GALNT15: variants seen among roughly 807,000 people sequenced by gnomAD.
The protein encoded by GALNT15 is UDP-GalNAc transferase T15.
Under a neutral mutation model 66.8 loss-of-function variants are expected in GALNT15, and 67 were observed. The ratio of observed to expected loss-of-function variants is 1.00; its 90% confidence interval spans 0.82 to 1.23. The LOEUF (loss-of-function observed/expected upper bound fraction) is 1.23. Among genes scored for constraint, GALNT15 ranks in the 50% most tolerant of loss-of-function variants. The pLI is 0.00. For synonymous variants in GALNT15, 313 were observed against 311.5 expected, an observed-to-expected ratio of 1.00 and a Z score of -0.05; for missense variants, 827 against 804.3, an observed-to-expected ratio of 1.03 and a Z score of -0.34.
intron 2 of GALNT15, among the ~76,000 whole-genome samples, chr3:16,196,586 C>T (rs376086355): frequency 7.2e-5 from 11 of 152,288 alleles, no homozygotes; most frequent in South Asian, 4.1e-4. Flanking sequence ...GTGGCTCTCA[C>T]GCTTGAGCAT....
intron 2 of GALNT15, among the ~76,000 whole-genome samples, chr3:16,198,835 G>A (rs898490898): frequency 7.1e-6 from 1 of 141,558 alleles, no homozygotes; most frequent in African/African-American, 2.6e-5. Context: ...TCTGCTGGGG[G>A]CTCTCGGGTG....
chr3:16,226,609 G>A (rs1422344208), intron 9 of GALNT15, among the ~76,000 whole-genome samples: 1 of 151,158 alleles, frequency 6.6e-6, no homozygotes, highest in Non-Finnish European at 1.5e-5. Flanking sequence ...CAAGAAAACA[G>A]CAAGGGGGAA....
At chr3:16,242,379 CT>C in the GALNT15 span, among the ~76,000 whole-genome samples, 1 of 152,200 alleles carries the variant, frequency 6.6e-6, no homozygotes, top group East Asian at 1.9e-4. This position sits in a 1 kb window ranked among gnomAD's most constrained non-coding sequence, Gnocchi z 5.6. Context: ...GCGTCTGCCC[CT>C]GAACTAATCT....
At chr3:16,196,688 T>C (rs1426142275) in intron 2 of GALNT15, among the ~76,000 whole-genome samples, 1 of 152,192 alleles carries the variant, frequency 6.6e-6, no homozygotes, top group Non-Finnish European at 1.5e-5. Context: ...AGAATTTGCA[T>C]TTCTAACAAG....
chr3:16,200,380 C>T lies in GALNT15; in HGVS notation c.707-239C>T, dbSNP rs1300580754. 3.9e-5 allele frequency among the ~76,000 whole-genome samples: 6 copies of T among 152,158 alleles called. No individual in the cohort carries two copies. Among genetic ancestry groups the T allele is most frequent in the Admixed American group, 3.3e-4 (5 of 15,274 alleles). On this transcript the variant is annotated intron_variant, in intron 2 of 9. Transcript: ENST00000339732. The surrounding 1 kb of genome is among the most constrained non-coding windows in gnomAD (Gnocchi z 4.4). Reference sequence around the variant, plus strand: ...ATTTGGAGAATGTTAGCAAGTTCTCCCCTTTCCTGGTTTTCTGACACCATC... The same window carrying T: ...ATTTGGAGAATGTTAGCAAGTTCTCTCCTTTCCTGGTTTTCTGACACCATC...
Position 16,209,048 on chromosome 3 carries a change from T to G in GALNT15, c.1079+378T>G, listed in dbSNP as rs951008187. The stretch of plus-strand genomic sequence containing the variant: ...GGCCCAGCTCTCTCATCAGGTACAG[T>G]GTGAATTCCTCAGGTCTCGTCTTAG... On this transcript the variant is annotated intron_variant, in intron 4 of 9. Coordinates refer to ENST00000339732, the MANE Select transcript of GALNT15 (RefSeq NM_054110.5). This position sits in a 1 kb window ranked among gnomAD's most constrained non-coding sequence, Gnocchi z 4.1. Among the ~76,000 whole-genome samples the G allele has an allele frequency of 1.3e-5, 2 of 152,208 alleles. No homozygotes were observed. Among genetic ancestry groups the G allele is most frequent in the East Asian group, 3.9e-4 (2 of 5,194 alleles).
rs538876281 is a variant in GALNT15, at chr3:16,227,495, C to T, written c.1915C>T (p.Arg639Ter). 2.2e-5 allele frequency: 36 copies of T among 1,614,090 alleles called. No homozygotes were observed. The highest frequency in any genetic ancestry group is 1.1e-4 in the East Asian group (5 of 44,876). The change falls in exon 10 of 10, where the codon CGA (arginine) becomes TGA (stop). Residue 639 changes from arginine to a stop codon, truncating the protein, a stop_gained. Transcript: ENST00000339732. LOFTEE classifies it high-confidence loss of function. The surrounding 1 kb of genome is among the most constrained non-coding windows in gnomAD (Gnocchi z 4.5). ...RFDQINAVDE[R>*] is the part of the protein sequence containing the mutation. Reference sequence around the variant, plus strand: ...TGACCAGATCAATGCTGTGGATGAACGATGAATGTCAATGTCAGAAGGAAA... The same window carrying T: ...TGACCAGATCAATGCTGTGGATGAATGATGAATGTCAATGTCAGAAGGAAA...
rs1193625881 is a variant in GALNT15 at position 16,193,662 on chromosome 3, A to G, written c.540-2098A>G. 6.6e-6 allele frequency among the ~76,000 whole-genome samples: 1 copy of G among 152,182 alleles called. No individual in the cohort carries two copies. Among genetic ancestry groups the G allele is most frequent in the Non-Finnish European group, 1.5e-5 (1 of 68,034 alleles). ...ACTGGTACCAAGCTAGGGAGCAGCA[A>G]GAGTTGGCACATCTTAGAAGGTGTT... is the stretch of plus-strand genomic sequence containing the variant. On this transcript the variant is annotated intron_variant, in intron 1 of 9. Coordinates refer to ENST00000339732, the MANE Select transcript of GALNT15 (RefSeq NM_054110.5). The surrounding 1 kb of genome is among the most constrained non-coding windows in gnomAD (Gnocchi z 4.7).
At position 16,184,355 on chromosome 3, in the gene GALNT15, G is replaced by GC. The variant is rs1486859637; in HGVS notation, c.539+8667dup. ...TGCTTTATGATGTTCAAGAGCCTTT[G>GC]CCATGCTCTGCCTCATTGGTTGGCT... is the stretch of plus-strand genomic sequence containing the variant. On this transcript the variant is annotated intron_variant, in intron 1 of 9. Coordinates refer to ENST00000339732, the MANE Select transcript of GALNT15 (RefSeq NM_054110.5). The surrounding 1 kb of genome is among the most constrained non-coding windows in gnomAD (Gnocchi z 5.0). 6.6e-6 allele frequency among the ~76,000 whole-genome samples: 1 copy of GC among 152,184 alleles called. No homozygotes were observed. The highest frequency in any genetic ancestry group is 2.4e-5 in the African/African-American group (1 of 41,438).
At chr3:16,214,065 C>A (rs974498486) in intron 6 of GALNT15, among the ~76,000 whole-genome samples, 1 of 152,214 alleles carries the variant, frequency 6.6e-6, no homozygotes, top group Non-Finnish European at 1.5e-5. Context: ...TCTTGGACCC[C>A]GTCGGTTAGT....
chr3:16,176,017 T>C lies in GALNT15; in HGVS notation c.539+327T>C, dbSNP rs2063406325. ...TGCTTGTTCATTCTCTTCTCCGTCCTGGGTTCTAGTTCTTCTGTCTTTAGG... is the reference window on the plus strand; with the variant it reads ...TGCTTGTTCATTCTCTTCTCCGTCCCGGGTTCTAGTTCTTCTGTCTTTAGG... On this transcript the variant is annotated intron_variant, in intron 1 of 9. Coordinates refer to ENST00000339732, the MANE Select transcript of GALNT15 (RefSeq NM_054110.5). The surrounding 1 kb of genome is among the most constrained non-coding windows in gnomAD (Gnocchi z 5.6). Among the ~76,000 whole-genome samples, 1 of 152,248 alleles carries C rather than the reference T, an allele frequency of 6.6e-6. No individual in the cohort carries two copies. The highest frequency in any genetic ancestry group is 1.5e-5 in the Non-Finnish European group (1 of 68,046).
rs141544511 is a variant in GALNT15, at chr3:16,179,782, G to A, written c.539+4092G>A. Among the ~76,000 whole-genome samples, 318 of 152,252 alleles carry A rather than the reference G, an allele frequency of 2.1e-3. 4 individuals are homozygous for A. The highest frequency in any genetic ancestry group is 6.8e-3 in the Middle Eastern group (2 of 294). ...GTGCTGTGGGAAAGGGAGGGTCCTC[G>A]GGGCAGAGGTGGGGATAAAACTGAA... On this transcript the variant is annotated intron_variant, in intron 1 of 9. Transcript: ENST00000339732.
chr3:16,215,931 G>GGAA (rs765375256), intron 6 of GALNT15, among the ~76,000 whole-genome samples: 1,750 of 134,506 alleles, frequency 0.013, 51 homozygotes, highest in African/African-American at 0.046. Context: ...AAAAAGAAGA[G>GGAA]GAAGAAGAAG....
Position 16,176,356 on chromosome 3 carries a change from G to A in GALNT15, c.539+666G>A, listed in dbSNP as rs922867760. Among the ~76,000 whole-genome samples, 1 of 152,210 alleles carries A rather than the reference G, an allele frequency of 6.6e-6. No homozygotes were observed. The highest frequency in any genetic ancestry group is 1.5e-5 in the Non-Finnish European group (1 of 68,044). On this transcript the variant is annotated intron_variant, in intron 1 of 9. Transcript: ENST00000339732. The surrounding 1 kb of genome is among the most constrained non-coding windows in gnomAD (Gnocchi z 5.6). ...GTGAAGTTGCTTTCCCAGTCACGCT[G>A]CTAGTAGGTAACAAAGTCAGGATTT...
chr3:16,204,683 T>C lies in GALNT15; in HGVS notation c.912-3820T>C, dbSNP rs147400867. Among the ~76,000 whole-genome samples the C allele has an allele frequency of 2.0e-4, 30 of 152,258 alleles. No homozygotes were observed. In the East Asian group the frequency reaches 5.2e-3, roughly 27 times the overall value. ...GACAGTCTTGAAAGGGGCTGAAAGA[T>C]GATATCATCTCAAGAAGCTGAACAA... On this transcript the variant is annotated intron_variant, in intron 3 of 9. Coordinates refer to ENST00000339732, the MANE Select transcript of GALNT15 (RefSeq NM_054110.5). This position sits in a 1 kb window ranked among gnomAD's most constrained non-coding sequence, Gnocchi z 4.5.
chr3:16,182,874 C>A lies in GALNT15; in HGVS notation c.539+7184C>A, dbSNP rs2063483611. ...CTGAGCTACGTCTTGGCTTCTACCA[C>A]CCCGTCTTTGGGTTACTGTCTGCTC... On this transcript the variant is annotated intron_variant, in intron 1 of 9. Transcript: ENST00000339732. The surrounding 1 kb of genome is among the most constrained non-coding windows in gnomAD (Gnocchi z 6.1). 1.3e-5 allele frequency: 2 copies of A among 152,390 alleles called. No individual in the cohort carries two copies. The highest frequency in any genetic ancestry group is 4.8e-5 in the African/African-American group (2 of 41,454). 9.4% of individuals were successfully genotyped at this position (152,390 alleles called of 1,614,324 possible). A position where few individuals can be genotyped will look rare whatever the true frequency, so the allele number is the denominator to read the frequency against.
intron 4 of GALNT15, among the ~76,000 whole-genome samples, chr3:16,210,333 G>A (rs1295018964): frequency 6.6e-6 from 1 of 152,100 alleles, no homozygotes; most frequent in Non-Finnish European, 1.5e-5. Context: ...TAGTATTTTG[G>A]TATAATGTAG....
downstream of GALNT15, chr3:16,231,981 A>G (rs1297912337): frequency 6.8e-7 from 1 of 1,477,690 alleles, no homozygotes; most frequent in African/African-American, 1.4e-5. The surrounding 1 kb of genome is among the most constrained non-coding windows in gnomAD (Gnocchi z 4.1). Flanking sequence ...AATAAAATCC[A>G]GAAAAACTGG....
At chr3:16,223,371 A>T (rs1324402068) in intron 9 of GALNT15, among the ~76,000 whole-genome samples, 2 of 152,204 alleles carry the variant, frequency 1.3e-5, no homozygotes, top group Non-Finnish European at 2.9e-5. Flanking sequence ...GGATCGGAAG[A>T]TGACAGTATC....
Sources: allele counts gnomAD v4.1 joint callset (sites outside exome capture counted in the v4.1 genomes callset), GRCh38; gene constraint gnomAD v4.1.1; non-coding constraint Gnocchi (gnomAD v3.1); transcripts MANE v1.5; gene names NCBI Gene and HGNC (gene_info 2026-07-23, HGNC 2026-07-21).